TMEM63B: variants seen among roughly 807,000 people sequenced by gnomAD.
The protein encoded by TMEM63B is mechanosensitive cation channel TMEM63B.
A neutral mutation model predicts 102.6 loss-of-function variants in TMEM63B; 23 were observed. That is an observed-to-expected ratio of 0.22 (90% CI 0.16 to 0.32). The LOEUF (loss-of-function observed/expected upper bound fraction) is 0.32. TMEM63B is among the 10% of genes least tolerant of loss of function. TMEM63B has a pLI of 1.00. For synonymous variants in TMEM63B, 444 were observed against 437.0 expected (o/e 1.02, Z -0.20); for missense variants, 628 against 1,095.9 (o/e 0.57, Z 6.03).
intron 10 of TMEM63B, among the ~76,000 whole-genome samples, chr6:44,142,036 C>T (rs974845229): frequency 2.6e-5 from 4 of 151,842 alleles, no homozygotes; most frequent in African/African-American, 7.3e-5. Context: ...GTGGGAGGAT[C>T]GCTTGAACCC....
chr6:44,130,011 C>T (rs1340988041), intron 1 of TMEM63B, among the ~76,000 whole-genome samples: 1 of 152,178 alleles, frequency 6.6e-6, no homozygotes, highest in Non-Finnish European at 1.5e-5. Context: ...TGGTGCCTGT[C>T]CCCTATGCCT....
chr6:44,136,647 C>T (rs981108843), intron 5 of TMEM63B, among the ~76,000 whole-genome samples: 1 of 152,252 alleles, frequency 6.6e-6, no homozygotes, highest in Non-Finnish European at 1.5e-5. Context: ...AGTCTCCAAA[C>T]TAGCACAGCC....
rs779066610 is a variant in TMEM63B at position 44,140,303 on chromosome 6, C to T, written c.654C>T (p.Leu218=). 89 of 1,613,948 alleles carry T rather than the reference C, an allele frequency of 5.5e-5. No homozygotes were observed. The highest frequency in any genetic ancestry group is 5.4e-4 in the South Asian group (49 of 91,066). Residue 218 remains leucine (L), a synonymous_variant, in exon 9 of 24, where the codon CTC becomes CTT. Transcript: ENST00000323267. ...HTSFAFLYLL[L]TVYSMRRHTS... ...CCTTCGCCTTCCTGTATCTGCTGCT[C>T]ACCGTCTACAGCATGCGTAGACACA...
rs569758557 is a variant in TMEM63B at position 44,152,799 on chromosome 6, G to A, written c.1942+101G>A. 148 of 1,012,120 alleles carry A rather than the reference G, an allele frequency of 1.5e-4. No homozygotes were observed. The African/African-American group carries it at 1.9e-3, about 13-fold the overall frequency. 62.7% of individuals were successfully genotyped at this position (1,012,120 alleles called of 1,614,324 possible). ...AGGCCACCCCGAGTGGACAGGGCCCGGCTGGGAGACCGGCCCCTCGGGGCT... is the reference window on the plus strand; with the variant it reads ...AGGCCACCCCGAGTGGACAGGGCCCAGCTGGGAGACCGGCCCCTCGGGGCT... On this transcript the variant is annotated intron_variant, in intron 20 of 23. Coordinates refer to ENST00000323267, the MANE Select transcript of TMEM63B (RefSeq NM_018426.3). The surrounding 1 kb of genome is among the most constrained non-coding windows in gnomAD (Gnocchi z 6.4).
At chr6:44,144,187 T>C (rs1357371810) in intron 10 of TMEM63B, among the ~76,000 whole-genome samples, 2 of 152,202 alleles carry the variant, frequency 1.3e-5, no homozygotes, top group African/African-American at 4.8e-5. Context: ...ATACAAGCTG[T>C]TGGGACAGGG....
At chr6:44,154,218 T>G in intron 22 of TMEM63B, 30 bp downstream of exon 22, 1 of 1,609,886 alleles carries the variant, frequency 6.2e-7, no homozygotes. Flanking sequence ...GGCGGATGGC[T>G]GCGGGCAGGA....
intron 22 of TMEM63B, 39 bp from the exon 23 acceptor site, chr6:44,154,325 GA>G: frequency 6.2e-7 from 1 of 1,608,506 alleles, no homozygotes; most frequent in Non-Finnish European, 8.5e-7. Context: ...CAGGGCTGAG[GA>G]CATGCCCCCA....
At chr6:44,132,732 G>A (rs796307802) in intron 1 of TMEM63B, among the ~76,000 whole-genome samples, 4 of 149,906 alleles carry the variant, frequency 2.7e-5, no homozygotes, top group African/African-American at 9.9e-5. Context: ...AGCTCCTCCT[G>A]GACACAGGTC....
rs1767741242 is a variant in TMEM63B, at chr6:44,154,994, T to C, written c.*111T>C. 3 of 1,058,534 alleles carry C rather than the reference T, an allele frequency of 2.8e-6. No homozygotes were observed. The highest frequency in any genetic ancestry group is 3.6e-5 in the Admixed American group (1 of 27,996). 65.6% of individuals were successfully genotyped at this position (1,058,534 alleles called of 1,614,324 possible). ...CTAAAGCCCCTTCCTCCCCAGCCCC[T>C]GCTTTCATTAAGGTATTTAAACTTG... is the stretch of plus-strand genomic sequence containing the variant. On this transcript the variant is annotated 3_prime_UTR_variant, in exon 24 of 24. Transcript: ENST00000323267.
chr6:44,138,736 G>GCCCCCCCCCCCCC (rs77370584), intron 6 of TMEM63B: 24 of 288,592 alleles, frequency 8.3e-5, no homozygotes, highest in Non-Finnish European at 9.4e-5. Context: ...CCCCCTGCCG[G>GCCCCCCCCCCCCC]CCCCCCCGCT....
rs1231155706 is a variant in TMEM63B at position 44,154,842 on chromosome 6, T to C, written c.2458T>C (p.Ser820Pro). 6.2e-7 allele frequency: 1 copy of C among 1,606,880 alleles called. No individual in the cohort carries two copies. The highest frequency in any genetic ancestry group is 8.5e-7 in the Non-Finnish European group (1 of 1,177,278). ...CGCCCTCACGGACACAGACTTCCAG[T>C]CTTGCGAGGACAGCCTCATAGAGAA... ...PDALTDTDFQ[S>P]CEDSLIENEI... is the part of the protein sequence containing the mutation. Residue 820 changes from serine (S) to proline (P), a missense_variant, in exon 24 of 24, where the codon TCT becomes CCT. Transcript: ENST00000323267.
intron 9 of TMEM63B, 120 bp from the exon 10 acceptor site, chr6:44,140,908 T>G (rs1436601710): frequency 1.2e-6 from 1 of 819,462 alleles, no homozygotes; most frequent in Non-Finnish European, 2.0e-6. Flanking sequence ...TCCCCTCTGC[T>G]CACCTACTTC....
intron 10 of TMEM63B, among the ~76,000 whole-genome samples, chr6:44,142,152 C>T (rs1342456271): frequency 2.0e-5 from 3 of 151,522 alleles, no homozygotes; most frequent in African/African-American, 7.3e-5. Flanking sequence ...TAGAAGAGGC[C>T]AGGCACGGTG....
intron 1 of TMEM63B, chr6:44,132,231 G>T (rs1172971444): frequency 1.0e-6 from 1 of 983,606 alleles, no homozygotes; most frequent in Non-Finnish European, 1.2e-6. Context: ...GAAGATTAAT[G>T]CTGTTGTGGA....
At chr6:44,134,807 C>A in intron 2 of TMEM63B, 64 bp downstream of exon 2, 1 of 1,564,350 alleles carries the variant, frequency 6.4e-7, no homozygotes, top group South Asian at 1.2e-5. Flanking sequence ...GCAAACACTT[C>A]CAGCTCTAAC....
At chr6:44,146,226 AGCC>A (rs1765343680) in intron 10 of TMEM63B, among the ~76,000 whole-genome samples, 2 of 152,280 alleles carry the variant, frequency 1.3e-5, no homozygotes, top group East Asian at 3.9e-4. Flanking sequence ...TAAAGGTCAC[AGCC>A]CTGGACAGGA....
At chr6:44,138,817 G>C in intron 6 of TMEM63B, 1 of 388,484 alleles carries the variant, frequency 2.6e-6, no homozygotes, top group Non-Finnish European at 4.8e-6. Flanking sequence ...CAGCCAGTGA[G>C]TGGGGGCAGC....
chr6:44,152,711 G>T lies in TMEM63B; in HGVS notation c.1942+13G>T. The T allele has an allele frequency of 6.3e-7, 1 of 1,599,578 alleles. No homozygotes were observed. The highest frequency in any genetic ancestry group is 8.5e-7 in the Non-Finnish European group (1 of 1,175,372). The stretch of plus-strand genomic sequence containing the variant: ...ATCGTGCCCTTCGGTAGGCACCGCC[G>T]CGCCGGGACCTGGGCCCTGCTCGGG... On this transcript the variant is annotated intron_variant, in intron 20 of 23. Transcript: ENST00000323267. This position sits in a 1 kb window ranked among gnomAD's most constrained non-coding sequence, Gnocchi z 6.4.
intron 1 of TMEM63B, among the ~76,000 whole-genome samples, chr6:44,133,503 C>A (rs1331985330): frequency 6.6e-6 from 1 of 152,190 alleles, no homozygotes; most frequent in Non-Finnish European, 1.5e-5. Flanking sequence ...CCCCCAGGGA[C>A]CCCCCAGTAA....
Sources: allele counts gnomAD v4.1 joint callset (sites outside exome capture counted in the v4.1 genomes callset), GRCh38; gene constraint gnomAD v4.1.1; non-coding constraint Gnocchi (gnomAD v3.1); transcripts MANE v1.5; gene names NCBI Gene and HGNC (gene_info 2026-07-23, HGNC 2026-07-21).